CGN: variants seen among roughly 807,000 people sequenced by gnomAD.
CGN encodes the protein cingulin.
In CGN, 121 loss-of-function variants were observed where a neutral mutation model predicts 157.1. The observed-to-expected ratio is 0.77, with a 90% CI of 0.66 to 0.90. The LOEUF (loss-of-function observed/expected upper bound fraction) is 0.90. CGN is among the 40% of genes least tolerant of loss of function. The probability of loss-of-function intolerance (pLI) is 0.00; values close to 1 mark genes in which losing one functional copy is unlikely to be tolerated. For synonymous variants in CGN, 535 were observed against 607.5 expected, an observed-to-expected ratio of 0.88 and a Z score of 1.76; for missense variants, 1,424 against 1,520.9, an observed-to-expected ratio of 0.94 and a Z score of 1.06.
In CGN at chr1:151,537,350, G is replaced by A. The variant is rs779236375; in HGVS notation, c.*4G>A. 9.3e-6 allele frequency: 15 copies of A among 1,612,266 alleles called. No individual in the cohort carries two copies. The highest frequency in any genetic ancestry group is 1.7e-5 in the Admixed American group (1 of 59,794). On this transcript the variant is annotated 3_prime_UTR_variant, in exon 21 of 21. Transcript: ENST00000271636. ...CCTACAGACCAGCTCCTGTTAGCTC[G>A]TGGTCCTCAAGGACTCAGAAACCAG...
In CGN at chr1:151,524,918, G is replaced by A; in HGVS notation, c.1614+32G>A. 3 of 1,564,068 alleles carry A rather than the reference G, an allele frequency of 1.9e-6. No homozygotes were observed. The highest frequency in any genetic ancestry group is 2.6e-6 in the Non-Finnish European group (3 of 1,142,712). On this transcript the variant is annotated intron_variant, in intron 8 of 20. Coordinates refer to ENST00000271636, the MANE Select transcript of CGN (RefSeq NM_020770.3). This position sits in a 1 kb window ranked among gnomAD's most constrained non-coding sequence, Gnocchi z 4.4. ...GACAAGAGCAGGGTCTGAGAGAGGAGGGCACTGCTGGAGAACAAGGCTGCC... is the reference window on the plus strand; with the variant it reads ...GACAAGAGCAGGGTCTGAGAGAGGAAGGCACTGCTGGAGAACAAGGCTGCC...
chr1:151,522,099 G>A (rs1349582700), intron 5 of CGN, among the ~76,000 whole-genome samples: 4 of 152,082 alleles, frequency 2.6e-5, no homozygotes, highest in African/African-American at 9.7e-5. Context: ...GCAACATAGT[G>A]AGAACCCGCC....
At position 151,524,618 on chromosome 1, in the gene CGN, T is replaced by C; in HGVS notation, c.1402-56T>C. On this transcript the variant is annotated intron_variant, in intron 7 of 20. Coordinates refer to ENST00000271636, the MANE Select transcript of CGN (RefSeq NM_020770.3). This position sits in a 1 kb window ranked among gnomAD's most constrained non-coding sequence, Gnocchi z 4.4. ...AATATTTTTTGACTCAGTGAATTGA[T>C]AAACAGATGGATTCTAATATGGTCA... The C allele has an allele frequency of 6.9e-7, 1 of 1,458,952 alleles. No homozygotes were observed. Among genetic ancestry groups the C allele is most frequent in the Non-Finnish European group, 9.4e-7 (1 of 1,067,884 alleles). The allele number at this position is 1,458,952 out of a possible 1,614,324, so 90.4% of individuals were successfully genotyped here. A position where few individuals can be genotyped will look rare whatever the true frequency, so the allele number is the denominator to read the frequency against.
At position 151,519,131 on chromosome 1, in the gene CGN, AC is replaced by A; in HGVS notation, c.617del (p.Pro206LeufsTer52). The A allele has an allele frequency of 6.2e-7, 1 of 1,613,840 alleles. No homozygotes were observed. On this transcript the variant is annotated frameshift_variant, in exon 2 of 21. Transcript: ENST00000271636. LOFTEE classifies it high-confidence loss of function. ...GGACTGGCCGCCGAACACGGATGCT[AC>A]CCCCTGAACAGCGCAAACGGAGCAA... The part of the protein sequence containing the change: ...GRTGRRTRML[P>X]PEQRKRSKSL...
chr1:151,520,266 G>T lies in CGN; in HGVS notation c.974G>T (p.Gly325Val). 3.7e-6 allele frequency: 6 copies of T among 1,611,884 alleles called. No homozygotes were observed. Among genetic ancestry groups the T allele is most frequent in the Non-Finnish European group, 5.1e-6 (6 of 1,178,634 alleles). Residue 325 changes from glycine (G) to valine (V), a missense_variant and splice_region_variant, in exon 3 of 21, where the codon GGA becomes GTA. Physicochemically the swap from Gly to Val is moderately radical, Grantham distance 109. This residue lies in a region of CGN where 1,187 missense variants were observed against 1,217.6 expected (regional missense o/e 0.97). Coordinates refer to ENST00000271636, the MANE Select transcript of CGN (RefSeq NM_020770.3). ...ACCATCTATGGCATCCTGAGGGAGGGGTGAGTGGGGGCCCCCCCAACAACA... is the reference window on the plus strand; with the variant it reads ...ACCATCTATGGCATCCTGAGGGAGGTGTGAGTGGGGGCCCCCCCAACAACA... ...KATIYGILRE[G>V]SSESETSVRR...
chr1:151,516,808 C>G (rs1664423911), intron 1 of CGN, among the ~76,000 whole-genome samples: 1 of 150,600 alleles, frequency 6.6e-6, no homozygotes, highest in South Asian at 2.2e-4. Flanking sequence ...TCTGAAAATG[C>G]TGGGATTACA....
Position 151,524,890 on chromosome 1 carries a change from T to C in CGN, c.1614+4T>C. On this transcript the variant is annotated splice_donor_region_variant and intron_variant, in intron 8 of 20. Transcript: ENST00000271636. The surrounding 1 kb of genome is among the most constrained non-coding windows in gnomAD (Gnocchi z 4.4). Reference sequence around the variant, plus strand: ...GAGCATGCAAGATGCAACCCAGGCATGTGACAAGAGCAGGGTCTGAGAGAG... The same window carrying C: ...GAGCATGCAAGATGCAACCCAGGCACGTGACAAGAGCAGGGTCTGAGAGAG... 2 of 1,609,584 alleles carry C rather than the reference T, an allele frequency of 1.2e-6. No individual in the cohort carries two copies. Among genetic ancestry groups the C allele is most frequent in the Non-Finnish European group, 1.7e-6 (2 of 1,178,556 alleles).
At position 151,519,106 on chromosome 1, in the gene CGN, G is replaced by C. The variant is rs778777875; in HGVS notation, c.587G>C (p.Arg196Pro). The C allele has an allele frequency of 1.1e-5, 18 of 1,613,940 alleles. No individual in the cohort carries two copies. The highest frequency in any genetic ancestry group is 1.5e-5 in the Non-Finnish European group (18 of 1,180,040). ...DSQLGGQARGRTGRRTRMLPP... is the reference protein window; with the variant it reads ...DSQLGGQARGPTGRRTRMLPP... ...CAACTTGGAGGCCAGGCCCGGGGTC[G>C]GACTGGCCGCCGAACACGGATGCTA... The change falls in exon 2 of 21, where the codon CGG becomes CCG. Residue 196 changes from arginine (R) to proline (P), a missense_variant. Transcript: ENST00000271636.
chr1:151,524,793 G>C lies in CGN; in HGVS notation c.1521G>C (p.Glu507Asp). The change falls in exon 8 of 21, where the codon GAG becomes GAC. Residue 507 changes from glutamate (E) to aspartate (D), a missense_variant. This residue lies in a region of CGN where 1,187 missense variants were observed against 1,217.6 expected (regional missense o/e 0.97). Coordinates refer to ENST00000271636, the MANE Select transcript of CGN (RefSeq NM_020770.3). The surrounding 1 kb of genome is among the most constrained non-coding windows in gnomAD (Gnocchi z 4.4). ...LTALKGALKE[E>D]VASRDQEVEH... ...CCCTGAAGGGGGCCCTGAAAGAGGA[G>C]GTAGCCTCCCGTGACCAGGAGGTGG... 1 of 1,612,920 alleles carries C rather than the reference G, an allele frequency of 6.2e-7. No individual in the cohort carries two copies. Among genetic ancestry groups the C allele is most frequent in the East Asian group, 2.2e-5 (1 of 44,862 alleles).
intron 13 of CGN, among the ~76,000 whole-genome samples, chr1:151,531,681 G>A (rs2102500797): frequency 6.6e-6 from 1 of 152,234 alleles, no homozygotes; most frequent in East Asian, 1.9e-4. Flanking sequence ...ATTTGGGTGA[G>A]GGGAAGGAGA....
rs1209952210 is a variant in CGN, at chr1:151,530,752, G to A, written c.2571+6G>A. 3 of 1,551,024 alleles carry A rather than the reference G, an allele frequency of 1.9e-6. No individual in the cohort carries two copies. The highest frequency in any genetic ancestry group is 2.0e-5 in the Admixed American group (1 of 50,998). Reference sequence around the variant, plus strand: ...TGGACCGACTGAACAAGGAGGTGGGGCATGGGGTATTCTGGGCCTTTAGGA... The same window carrying A: ...TGGACCGACTGAACAAGGAGGTGGGACATGGGGTATTCTGGGCCTTTAGGA... On this transcript the variant is annotated splice_donor_region_variant and intron_variant, in intron 13 of 20. Coordinates refer to ENST00000271636, the MANE Select transcript of CGN (RefSeq NM_020770.3).
chr1:151,527,282 GC>G (rs1323874943), intron 10 of CGN, among the ~76,000 whole-genome samples, 175 bp downstream of exon 10: 6 of 152,298 alleles, frequency 3.9e-5, no homozygotes, highest in African/African-American at 1.2e-4. Flanking sequence ...TCCTCATTGA[GC>G]ATAGAGGTTT....
intron 10 of CGN, 78 bp from the exon 11 acceptor site, chr1:151,529,272 T>TACTTAGTGTG (rs1664771009): frequency 8.0e-7 from 1 of 1,248,772 alleles, no homozygotes; most frequent in East Asian, 2.4e-5. Flanking sequence ...TGGCAGTGTA[T>TACTTAGTGTG]GAGAGTTTCA....
chr1:151,532,612 C>CTT (rs34388063), intron 14 of CGN, 40 bp downstream of exon 14: 8,465 of 534,154 alleles, frequency 0.016, 9 homozygotes, highest in South Asian at 0.022. Flanking sequence ...GTCCTTGCCT[C>CTT]TTTTTTTTTT....
intron 19 of CGN, 123 bp from the exon 20 acceptor site, chr1:151,536,598 TGAGGTTAAG>T: frequency 1.1e-5 from 9 of 784,712 alleles, no homozygotes; most frequent in African/African-American, 1.7e-5. Context: ...GACAACCATG[TGAGGTTAAG>T]GAACTTGCCC....
rs1664659294 is a variant in CGN, at chr1:151,525,673, A to G, written c.1646A>G (p.Lys549Arg). 1 of 1,609,118 alleles carries G rather than the reference A, an allele frequency of 6.2e-7. No individual in the cohort carries two copies. The highest frequency in any genetic ancestry group is 2.3e-5 in the East Asian group (1 of 44,262). ...DHAVLEAERQ[K>R]MSALVRGLQR... ...GCAGTGCTGGAGGCCGAGAGGCAGAAGATGTCAGCCCTTGTGCGAGGGCTG... is the reference window on the plus strand; with the variant it reads ...GCAGTGCTGGAGGCCGAGAGGCAGAGGATGTCAGCCCTTGTGCGAGGGCTG... Residue 549 changes from lysine (K) to arginine (R), a missense_variant, in exon 9 of 21, where the codon AAG (lysine) becomes AGG (arginine). By Grantham distance (26) the Lys-to-Arg change is conservative (BLOSUM62 2). Around this residue, in one of 3 missense-constraint regions of CGN, gnomAD observed 1,187 missense variants for 1,217.6 expected, o/e 0.97. Transcript: ENST00000271636.
rs531293768 is a variant in CGN, at chr1:151,521,504, T to C, written c.1140+813T>C. Among the ~76,000 whole-genome samples, 3 of 152,320 alleles carry C rather than the reference T, an allele frequency of 2.0e-5. No individual in the cohort carries two copies. In the East Asian group the frequency reaches 5.8e-4, roughly 29 times the overall value. On this transcript the variant is annotated intron_variant, in intron 5 of 20. Coordinates refer to ENST00000271636, the MANE Select transcript of CGN (RefSeq NM_020770.3). Reference sequence around the variant, plus strand: ...GGGGATTATGATAGTACTATATTAATTAACTATTGCTGTGTAACAAATTAC... The same window carrying C: ...GGGGATTATGATAGTACTATATTAACTAACTATTGCTGTGTAACAAATTAC...
intron 19 of CGN, 35 bp downstream of exon 19, chr1:151,536,380 G>A: frequency 8.4e-7 from 1 of 1,188,698 alleles, no homozygotes; most frequent in Non-Finnish European, 1.3e-6. Flanking sequence ...AAGCAACCTG[G>A]GGCAGGTATA....
At position 151,518,623 on chromosome 1, in the gene CGN, T is replaced by C. The variant is rs750126203; in HGVS notation, c.104T>C (p.Leu35Pro). The C allele has an allele frequency of 1.1e-5, 18 of 1,614,022 alleles. No individual in the cohort carries two copies. The highest frequency in any genetic ancestry group is 1.0e-4 in the Admixed American group (6 of 59,990). ...GTGAGTGGTGCAGAGATGGGCACTCTACGTCGAGGTGGACGACGCCCAGCT... is the reference window on the plus strand; with the variant it reads ...GTGAGTGGTGCAGAGATGGGCACTCCACGTCGAGGTGGACGACGCCCAGCT... ...EPVSGAEMGT[L>P]RRGGRRPAKD... Residue 35 changes from leucine to proline, a missense_variant, in exon 2 of 21, where the codon CTA becomes CCA. Coordinates refer to ENST00000271636, the MANE Select transcript of CGN (RefSeq NM_020770.3).
Sources: gnomAD v4.1 joint callset for allele counts (sites outside exome capture counted in the v4.1 genomes callset) on GRCh38, gnomAD v4.1.1 for gene constraint, gnomAD v4.1.1 regional missense constraint, Gnocchi (gnomAD v3.1) non-coding constraint, MANE v1.5 for transcripts, NCBI Gene and HGNC (gene_info 2026-07-23, HGNC 2026-07-21) for gene names.